Variants in ANXA4 observed in about 807,000 individuals in gnomAD.
ANXA4 encodes 35-beta calcimedin.
Under a neutral mutation model 49.8 loss-of-function variants are expected in ANXA4, and 39 were observed. The observed-to-expected ratio is 0.78, with a 90% CI of 0.61 to 1.02. ANXA4 has a LOEUF of 1.02. Ranked by LOEUF, ANXA4 falls within the 50% of genes least tolerant of loss-of-function variation. The pLI, the probability that ANXA4 is intolerant of heterozygous loss-of-function variation, is 0.00. For synonymous variants in ANXA4, 134 were observed against 152.5 expected (o/e 0.88, Z 0.89); for missense variants, 360 against 410.1 (o/e 0.88, Z 1.05).
At chr2:69,714,679 G>A (rs1222382934) in intron 2 of ANXA4, among the ~76,000 whole-genome samples, 2 of 152,228 alleles carry the variant, frequency 1.3e-5, no homozygotes, top group South Asian at 4.1e-4. Flanking sequence ...ATTTGTGATG[G>A]GATGCCCTGG....
intron 1 of ANXA4, among the ~76,000 whole-genome samples, chr2:69,774,620 G>T (rs1001277797): frequency 3.9e-5 from 6 of 152,044 alleles, no homozygotes; most frequent in Non-Finnish European, 7.4e-5. Context: ...GATTACAGGC[G>T]TGAGCCACCG....
At chr2:69,786,944 CA>C (rs1489772543) in intron 2 of ANXA4, among the ~76,000 whole-genome samples, 1 of 152,124 alleles carries the variant, frequency 6.6e-6, no homozygotes. Flanking sequence ...AGTCTGGTCT[CA>C]AACTCCTGGG....
chr2:69,656,493 C>A (rs1283033256), intron 2 of ANXA4, among the ~76,000 whole-genome samples: 1 of 145,952 alleles, frequency 6.9e-6, no homozygotes, highest in East Asian at 2.0e-4. Context: ...GACCCCAGTT[C>A]ATTAGAAACT....
intron 2 of ANXA4, among the ~76,000 whole-genome samples, chr2:69,674,657 T>C (rs1281190580): frequency 6.6e-6 from 1 of 152,192 alleles, no homozygotes; most frequent in East Asian, 1.9e-4. Flanking sequence ...TCTGTGTCTA[T>C]TTTTAGGGAG....
At position 69,749,102 on chromosome 2, in the gene ANXA4, C is replaced by T. The variant is rs572870674; in HGVS notation, c.-47+6927C>T. Among the ~76,000 whole-genome samples the T allele has an allele frequency of 1.4e-4, 21 of 152,198 alleles. No individual in the cohort carries two copies. In the South Asian group the frequency reaches 3.7e-3, roughly 27 times the overall value. On this transcript the variant is annotated intron_variant, in intron 1 of 12. Transcript: ENST00000394295. ...GATGTTTGGGGGAATTCAGCTGGCTCGAAGAACATACAATGGCCCGGGACA... is the reference window on the plus strand; with the variant it reads ...GATGTTTGGGGGAATTCAGCTGGCTTGAAGAACATACAATGGCCCGGGACA...
chr2:69,653,477 G>C (rs1011384887), intron 2 of ANXA4, among the ~76,000 whole-genome samples: 2 of 152,086 alleles, frequency 1.3e-5, no homozygotes, highest in Non-Finnish European at 2.9e-5. Flanking sequence ...TAGAGTCCTG[G>C]GGACACAGGA....
intron 2 of ANXA4, among the ~76,000 whole-genome samples, chr2:69,662,813 A>G (rs1187167424): frequency 2.0e-5 from 3 of 152,068 alleles, no homozygotes; most frequent in Non-Finnish European, 2.9e-5. Flanking sequence ...GTTGCGAGAT[A>G]AAATACAGGA....
At chr2:69,688,097 G>A (rs894937985) in intron 2 of ANXA4, among the ~76,000 whole-genome samples, 28 of 152,242 alleles carry the variant, frequency 1.8e-4, no homozygotes, top group East Asian at 7.7e-4. Context: ...TCCACACATC[G>A]CCATGGTTAG....
chr2:69,776,551 A>C (rs951495356), intron 1 of ANXA4, among the ~76,000 whole-genome samples: 1 of 144,876 alleles, frequency 6.9e-6, no homozygotes, highest in Admixed American at 7.0e-5. Context: ...AGCATCAAGC[A>C]GTTCTTCAGT....
intron 2 of ANXA4, among the ~76,000 whole-genome samples, chr2:69,712,036 C>T (rs1008149403): frequency 6.6e-6 from 1 of 151,712 alleles, no homozygotes; most frequent in African/African-American, 2.4e-5. Context: ...TTATTTTTTT[C>T]TCTTCATTCT....
At chr2:69,777,045 A>T (rs1339699307) in intron 1 of ANXA4, among the ~76,000 whole-genome samples, 1 of 152,206 alleles carries the variant, frequency 6.6e-6, no homozygotes, top group African/African-American at 2.4e-5. Flanking sequence ...CTGGATTATC[A>T]GTTTATGATA....
intron 2 of ANXA4, among the ~76,000 whole-genome samples, chr2:69,710,619 A>C (rs1320297517): frequency 6.6e-6 from 1 of 152,250 alleles, no homozygotes; most frequent in Non-Finnish European, 1.5e-5. Context: ...ATAAAAAGAC[A>C]AATGAGTCAA....
chr2:69,698,083 G>A (rs1678215436), intron 2 of ANXA4, among the ~76,000 whole-genome samples: 1 of 152,098 alleles, frequency 6.6e-6, no homozygotes, highest in African/African-American at 2.4e-5. Flanking sequence ...TCAAGGCACT[G>A]GCAGATTCAG....
intron 8 of ANXA4, chr2:69,815,318 A>G (rs987276583): frequency 3.3e-5 from 5 of 152,254 alleles, no homozygotes; most frequent in Admixed American, 2.6e-4. Flanking sequence ...TTTTATGATT[A>G]TGTGAATTGA....
chr2:69,660,234 C>G (rs868052340), intron 2 of ANXA4, among the ~76,000 whole-genome samples: 1 of 152,150 alleles, frequency 6.6e-6, no homozygotes, highest in African/African-American at 2.4e-5. Context: ...GCTTAATACT[C>G]TCTTTGTGGT....
chr2:69,804,135 C>G (rs915654545), intron 3 of ANXA4, among the ~76,000 whole-genome samples: 12 of 90,438 alleles, frequency 1.3e-4, no homozygotes, highest in Non-Finnish European at 1.9e-4. Flanking sequence ...GAGACTTTCT[C>G]TCAAAAAAAA....
chr2:69,695,377 T>C, intron 2 of ANXA4, among the ~76,000 whole-genome samples: 1 of 152,152 alleles, frequency 6.6e-6, no homozygotes, highest in East Asian at 1.9e-4. Flanking sequence ...TCAGCACCCG[T>C]GCTGATTTCC....
intron 1 of ANXA4, among the ~76,000 whole-genome samples, chr2:69,742,897 T>C (rs1417293292): frequency 6.6e-6 from 1 of 152,224 alleles, no homozygotes; most frequent in Non-Finnish European, 1.5e-5. Flanking sequence ...TGCTCTCTCC[T>C]GCTGACAGTG....
chr2:69,793,557 T>C (rs1672791637), intron 3 of ANXA4, among the ~76,000 whole-genome samples: 3 of 152,158 alleles, frequency 2.0e-5, no homozygotes, highest in Admixed American at 1.3e-4. Flanking sequence ...CCAGCAGTTA[T>C]AAGATTTTGC....
Sources: gnomAD v4.1 joint callset for allele counts (sites outside exome capture counted in the v4.1 genomes callset) on GRCh38, gnomAD v4.1.1 for gene constraint, MANE v1.5 for transcripts, NCBI Gene and HGNC (gene_info 2026-07-23, HGNC 2026-07-21) for gene names.